Variants in ZFYVE28 observed in about 807,000 individuals in gnomAD.
ZFYVE28 encodes lateral signaling target protein 2 homolog.
A neutral mutation model predicts 82.1 loss-of-function variants in ZFYVE28; 40 were observed. The observed-to-expected ratio is 0.49, with a 90% CI of 0.38 to 0.63. The LOEUF (loss-of-function observed/expected upper bound fraction) is 0.63. ZFYVE28 is among the 30% of genes least tolerant of loss of function. ZFYVE28 has a pLI of 0.00. For missense variants in ZFYVE28, 1,321 were observed against 1,242.1 expected (o/e 1.06, Z -0.96); for synonymous variants, 612 against 546.1 (o/e 1.12, Z -1.68).
In ZFYVE28 at chr4:2,304,990, G is replaced by A. The variant is rs200144782; in HGVS notation, c.1350C>T (p.Pro450=). The part of the protein sequence containing the change: ...GPGGAAGISL[P]ASEKEEDLSN... ...TCAAGTCCTCCTCCTTTTCCGAGGC[G>A]GGCAAGCTGATCCCCGCCGCTCCGC... Residue 450 remains proline, a synonymous_variant, in exon 8 of 13, where the codon CCC becomes CCT. Coordinates refer to ENST00000290974, the MANE Select transcript of ZFYVE28 (RefSeq NM_020972.3). 303 of 1,612,716 alleles carry A rather than the reference G, an allele frequency of 1.9e-4. 2 individuals are homozygous for A. The highest frequency in any genetic ancestry group is 6.1e-4 in the South Asian group (56 of 91,084).
chr4:2,407,886 T>C (rs185477275), intron 1 of ZFYVE28, among the ~76,000 whole-genome samples: 1 of 152,338 alleles, frequency 6.6e-6, no homozygotes, highest in African/African-American at 2.4e-5. Context: ...GTGCCTGGCC[T>C]GCCTTGTGGT....
chr4:2,270,397 C>T lies in ZFYVE28; in HGVS notation c.*328G>A, dbSNP rs961541947. On this transcript the variant is annotated 3_prime_UTR_variant, in exon 13 of 13. Coordinates refer to ENST00000290974, the MANE Select transcript of ZFYVE28 (RefSeq NM_020972.3). ...TCTTGTCCACCTCCATCACCCGCCC[C>T]GATTCCCATAGCCCCAGCAGATCTC... The T allele has an allele frequency of 5.5e-5, 20 of 366,112 alleles. No homozygotes were observed. The highest frequency in any genetic ancestry group is 7.2e-5 in the Non-Finnish European group (14 of 194,664). The allele number at this position is 366,112 out of a possible 1,614,324, so 22.7% of individuals were successfully genotyped here.
In ZFYVE28 at chr4:2,279,162, A is replaced by C. The variant is rs1711565534; in HGVS notation, c.2052-4946T>G. On this transcript the variant is annotated intron_variant, in intron 8 of 12. Coordinates refer to ENST00000290974, the MANE Select transcript of ZFYVE28 (RefSeq NM_020972.3). ...ATGCTACTGTGTGGATGAACACTGA[A>C]CACATCATATTGTCATCCCAGCCCT... Among the ~76,000 whole-genome samples, 3 of 152,208 alleles carry C rather than the reference A, an allele frequency of 2.0e-5. 1 individual carries two copies. The South Asian group carries it at 6.2e-4, about 32-fold the overall frequency.
At position 2,300,698 on chromosome 4, in the gene ZFYVE28, G is replaced by A. The variant is rs906495123; in HGVS notation, c.2051+3591C>T. ...CAGAAACACAGGCTCCAGGGGTCTCGGGGGAATCTCACAGGCTGGTCGGCC... is the reference window on the plus strand; with the variant it reads ...CAGAAACACAGGCTCCAGGGGTCTCAGGGGAATCTCACAGGCTGGTCGGCC... On this transcript the variant is annotated intron_variant, in intron 8 of 12. Transcript: ENST00000290974. This position sits in a 1 kb window ranked among gnomAD's most constrained non-coding sequence, Gnocchi z 4.6. Among the ~76,000 whole-genome samples the A allele has an allele frequency of 2.6e-5, 4 of 152,100 alleles. No individual in the cohort carries two copies. Among genetic ancestry groups the A allele is most frequent in the Non-Finnish European group, 2.9e-5 (2 of 68,018 alleles).
rs1025736040 is a variant in ZFYVE28 at position 2,271,413 on chromosome 4, G to A, written c.2430C>T (p.Asp810=). The A allele has an allele frequency of 1.9e-6, 3 of 1,612,462 alleles. No homozygotes were observed. The highest frequency in any genetic ancestry group is 2.7e-5 in the African/African-American group (2 of 74,940). ...CCTCGTCTGGCACCCACTCCGGGGG[G>A]TCTGTCACAACAACAGCAGCGTCAC... ...AAKTRDGDFE[D]PPEWVPDEAC... is the part of the protein sequence containing the mutation. Residue 810 remains aspartate, a splice_region_variant and synonymous_variant, in exon 12 of 13, where the codon GAC becomes GAT. Coordinates refer to ENST00000290974, the MANE Select transcript of ZFYVE28 (RefSeq NM_020972.3).
rs529780669 is a variant in ZFYVE28 at position 2,356,813 on chromosome 4, A to C, written c.40-2740T>G. 4.7e-5 allele frequency among the ~76,000 whole-genome samples: 7 copies of C among 149,398 alleles called. No homozygotes were observed. The South Asian group carries it at 1.5e-3, about 31-fold the overall frequency. On this transcript the variant is annotated intron_variant, in intron 1 of 12. Transcript: ENST00000290974. Reference sequence around the variant, plus strand: ...AGGCCCGAGCCCCAGGGAGTGCTGCACTTTCGAAGCCTTGTAGCTGTCAAC... The same window carrying C: ...AGGCCCGAGCCCCAGGGAGTGCTGCCCTTTCGAAGCCTTGTAGCTGTCAAC...
chr4:2,336,147 G>A (rs28550054), intron 5 of ZFYVE28, among the ~76,000 whole-genome samples: 15,914 of 152,156 alleles, frequency 0.1, 950 homozygotes, highest in African/African-American at 0.12. Context: ...TCAGCCAGGA[G>A]ACCGAAACAA....
rs576420845 is a variant in ZFYVE28 at position 2,291,831 on chromosome 4, G to A, written c.2051+12458C>T. On this transcript the variant is annotated intron_variant, in intron 8 of 12. Transcript: ENST00000290974. ...GGTGGGCCCCAGCGTCTGTGCCCTG[G>A]GAGGCTGAGGCTGGACAGCCACCAG... is the stretch of plus-strand genomic sequence containing the variant. Among the ~76,000 whole-genome samples the A allele has an allele frequency of 2.6e-5, 4 of 152,322 alleles. No individual in the cohort carries two copies. In the South Asian group the frequency reaches 8.3e-4, roughly 32 times the overall value.
In ZFYVE28 at chr4:2,339,623, C is replaced by G; in HGVS notation, c.351G>C (p.Arg117=). 1 of 1,609,844 alleles carries G rather than the reference C, an allele frequency of 6.2e-7. No individual in the cohort carries two copies. Among genetic ancestry groups the G allele is most frequent in the Non-Finnish European group, 8.5e-7 (1 of 1,178,584 alleles). ...GGCGCATGGCCATGCTCTCCAGCTC[C>G]CGGTTCATGATGATGGAGCCGGCGG... ...CLAAGSIIMN[R]ELESMAMRPL... is the part of the protein sequence containing the mutation. Residue 117 remains arginine, a synonymous_variant, in exon 4 of 13, where the codon CGG becomes CGC. Coordinates refer to ENST00000290974, the MANE Select transcript of ZFYVE28 (RefSeq NM_020972.3). This position sits in a 1 kb window ranked among gnomAD's most constrained non-coding sequence, Gnocchi z 5.0.
chr4:2,329,704 A>T (rs1720382332), intron 6 of ZFYVE28, among the ~76,000 whole-genome samples: 2 of 152,260 alleles, frequency 1.3e-5, no homozygotes, highest in Non-Finnish European at 2.9e-5. Context: ...TCTGTAAAAT[A>T]GAGACATACT....
chr4:2,373,089 G>A (rs755261899), intron 1 of ZFYVE28, among the ~76,000 whole-genome samples: 7 of 152,198 alleles, frequency 4.6e-5, no homozygotes, highest in African/African-American at 1.7e-4. Flanking sequence ...GCATTCACCA[G>A]TCACCCAAAG....
chr4:2,318,317 G>C (rs1249203241), intron 7 of ZFYVE28, among the ~76,000 whole-genome samples: 1 of 152,196 alleles, frequency 6.6e-6, no homozygotes, highest in Non-Finnish European at 1.5e-5. Flanking sequence ...CAGCACTTTG[G>C]GAGGCCGAGG....
At position 2,417,085 on chromosome 4, in the gene ZFYVE28, G is replaced by A. The variant is rs1379039752; in HGVS notation, c.39+1200C>T. 6.6e-6 allele frequency among the ~76,000 whole-genome samples: 1 copy of A among 152,236 alleles called. No homozygotes were observed. Among genetic ancestry groups the A allele is most frequent in the Non-Finnish European group, 1.5e-5 (1 of 68,024 alleles). On this transcript the variant is annotated intron_variant, in intron 1 of 12. Coordinates refer to ENST00000290974, the MANE Select transcript of ZFYVE28 (RefSeq NM_020972.3). This position sits in a 1 kb window ranked among gnomAD's most constrained non-coding sequence, Gnocchi z 4.8. ...GAGGCGGAGGCCTGGGACGCTGGAC[G>A]GAGAAAGGCGGCCAGTGGAGGGAGG...
intron 8 of ZFYVE28, among the ~76,000 whole-genome samples, chr4:2,296,800 C>A (rs1201312190): frequency 6.6e-6 from 1 of 152,192 alleles, no homozygotes; most frequent in African/African-American, 2.4e-5. Context: ...CCTGTCACTC[C>A]GTCCCCTTGT....
intron 8 of ZFYVE28, among the ~76,000 whole-genome samples, chr4:2,291,233 C>T (rs966352852): frequency 6.6e-5 from 10 of 152,232 alleles, no homozygotes; most frequent in Non-Finnish European, 1.0e-4. Context: ...GGTTGAAACC[C>T]GCTTCCTCTT....
At chr4:2,404,911 G>T (rs1280508560) in intron 1 of ZFYVE28, among the ~76,000 whole-genome samples, 8 of 140,968 alleles carry the variant, frequency 5.7e-5, no homozygotes, top group Non-Finnish European at 1.5e-5. Context: ...CCTTGCCCAG[G>T]CTGGAGTGCA....
intron 1 of ZFYVE28, among the ~76,000 whole-genome samples, chr4:2,389,830 CT>C (rs1271727135): frequency 2.0e-5 from 3 of 152,156 alleles, no homozygotes; most frequent in African/African-American, 4.8e-5. Context: ...AGCTCCCTAC[CT>C]ACTCTCAGCA....
intron 2 of ZFYVE28, among the ~76,000 whole-genome samples, chr4:2,348,879 C>T (rs73797768): frequency 0.03 from 4,493 of 152,268 alleles, 208 homozygotes; most frequent in African/African-American, 0.095. Context: ...CTCTGATCCT[C>T]TTTCTACCAG....
At chr4:2,276,363 C>T (rs1736446477) in intron 8 of ZFYVE28, among the ~76,000 whole-genome samples, 1 of 152,226 alleles carries the variant, frequency 6.6e-6, no homozygotes, top group Admixed American at 6.5e-5. Context: ...CCCCTACCTT[C>T]AGCTTGGGGG....
Sources: allele counts gnomAD v4.1 joint callset (sites outside exome capture counted in the v4.1 genomes callset), GRCh38; gene constraint gnomAD v4.1.1; non-coding constraint Gnocchi (gnomAD v3.1); transcripts MANE v1.5; gene names NCBI Gene and HGNC (gene_info 2026-07-23, HGNC 2026-07-21).